The following MTA3 variants were observed in gnomAD, a reference collection of about 807,000 sequenced individuals.
MTA3 encodes the protein metastasis associated 1 family member 3.
In MTA3, 34 loss-of-function variants were observed where a neutral mutation model predicts 83.5. The ratio of observed to expected loss-of-function variants is 0.41; its 90% CI spans 0.31 to 0.54. The LOEUF (loss-of-function observed/expected upper bound fraction) is 0.54, where lower values mean the gene tolerates loss of function less well. MTA3 is among the 20% of genes least tolerant of loss of function. The probability of loss-of-function intolerance (pLI) is 0.33; values close to 1 mark genes in which losing one functional copy is unlikely to be tolerated. For missense variants in MTA3, 761 were observed against 726.4 expected (o/e 1.05, Z -0.55); for synonymous variants, 303 against 252.7 (o/e 1.20, Z -1.89).
intron 3 of MTA3, 39 bp downstream of exon 3, chr2:42,579,239 C>G: frequency 6.9e-7 from 1 of 1,456,334 alleles, no homozygotes; most frequent in East Asian, 2.4e-5. Flanking sequence ...CGTTTTAAGT[C>G]TTGTGTTTTT....
At chr2:42,702,215 A>C (rs1460977328) in intron 11 of MTA3, 1 of 152,318 alleles carries the variant, frequency 6.6e-6, no homozygotes, top group East Asian at 1.9e-4. Flanking sequence ...TTGTCTCAAA[A>C]AGTAAATAAA....
chr2:42,519,885 G>A (rs1372328118), intron 2 of MTA3, among the ~76,000 whole-genome samples: 1 of 151,978 alleles, frequency 6.6e-6, no homozygotes, highest in Middle Eastern at 3.2e-3. Context: ...CCTGTCTCAC[G>A]TAAACAATTT....
intron 2 of MTA3, among the ~76,000 whole-genome samples, chr2:42,513,130 G>C (rs1027769791): frequency 6.6e-6 from 1 of 152,210 alleles, no homozygotes; most frequent in Non-Finnish European, 1.5e-5. Flanking sequence ...CGAGAGGCTA[G>C]TGTTTCTGGT....
At chr2:42,626,540 C>T (rs754330916) in intron 4 of MTA3, among the ~76,000 whole-genome samples, 3 of 151,378 alleles carry the variant, frequency 2.0e-5, no homozygotes, top group Non-Finnish European at 4.4e-5. Flanking sequence ...TCGTGATCCG[C>T]CTGCCTCGGC....
chr2:42,535,123 A>G (rs1349965094), intron 2 of MTA3, among the ~76,000 whole-genome samples: 3 of 151,354 alleles, frequency 2.0e-5, no homozygotes, highest in Non-Finnish European at 4.4e-5. Flanking sequence ...GCGGTGGCTC[A>G]CGCCTGTAAT....
chr2:42,557,100 A>G (rs1257593102), intron 2 of MTA3, among the ~76,000 whole-genome samples: 2 of 152,058 alleles, frequency 1.3e-5, no homozygotes, highest in Non-Finnish European at 2.9e-5. Context: ...AGAAAAGACC[A>G]GGTGAGGTGG....
intron 2 of MTA3, among the ~76,000 whole-genome samples, chr2:42,548,816 T>TATATATATATAATATATATATATATA: frequency 2.8e-5 from 1 of 35,176 alleles, no homozygotes; most frequent in Non-Finnish European, 4.8e-5. Flanking sequence ...AAAAAATATA[T>TATATATATATAATATATATATATATA]ATATATATAT....
rs1693520356 is a variant in MTA3, at chr2:42,697,790, A to G, written c.981A>G (p.Ala327=). ...TTTTGAATTAGAAACGTCTAAAAGC[A>G]GCAGAAGCTGAGAGTAAACTGAAAC... ...DRYVQQKRLK[A]AEAESKLKQV... is the part of the protein sequence containing the mutation. Residue 327 remains alanine (A), a synonymous_variant, in exon 11 of 17, where the codon GCA becomes GCG. Coordinates refer to ENST00000405094, the MANE Select transcript of MTA3 (RefSeq NM_001330442.2). The G allele has an allele frequency of 6.5e-7, 1 of 1,545,018 alleles. No individual in the cohort carries two copies. The highest frequency in any genetic ancestry group is 1.4e-5 in the African/African-American group (1 of 73,130).
chr2:42,549,387 T>C (rs1171130960), intron 2 of MTA3, among the ~76,000 whole-genome samples: 2 of 119,782 alleles, frequency 1.7e-5, no homozygotes, highest in Non-Finnish European at 3.2e-5. Context: ...AAAATATATG[T>C]ATATATTATA....
chr2:42,509,285 C>T (rs1005865376), intron 2 of MTA3, among the ~76,000 whole-genome samples: 1 of 152,060 alleles, frequency 6.6e-6, no homozygotes, highest in Admixed American at 6.6e-5. Flanking sequence ...TCAAGTGATC[C>T]GCTTGCCTCG....
intron 2 of MTA3, among the ~76,000 whole-genome samples, chr2:42,548,407 A>T (rs945515890): frequency 6.6e-6 from 1 of 152,086 alleles, no homozygotes; most frequent in Non-Finnish European, 1.5e-5. Flanking sequence ...CAGAGGTTGC[A>T]GTGAGCCGAA....
chr2:42,697,636 T>C (rs932619443), intron 10 of MTA3, 140 bp from the exon 11 acceptor site: 1 of 594,268 alleles, frequency 1.7e-6, no homozygotes, highest in Non-Finnish European at 3.0e-6. Context: ...AGTTTAAGAA[T>C]ATGCATATGA....
At position 42,534,326 on chromosome 2, in the gene MTA3, G is replaced by A. The variant is rs568782094; in HGVS notation, c.-140-36111G>A. On this transcript the variant is annotated intron_variant, in intron 2 of 17. Coordinates refer to the MTA3 transcript ENST00000405592. ...ATTGTATAAAATGAGGCTGGGTGCC[G>A]TGGCTCAAGCCTATAATCCCAGCAC... 3.9e-5 allele frequency among the ~76,000 whole-genome samples: 6 copies of A among 152,292 alleles called. No homozygotes were observed. The East Asian group carries it at 5.8e-4, about 15-fold the overall frequency.
At chr2:42,701,773 G>T (rs560589005) in intron 11 of MTA3, among the ~76,000 whole-genome samples, 1 of 144,164 alleles carries the variant, frequency 6.9e-6, no homozygotes, top group South Asian at 2.2e-4. Context: ...AAAATTAGCT[G>T]GGTATGGTGG....
At chr2:42,710,652 T>C (rs909339914) in intron 14 of MTA3, among the ~76,000 whole-genome samples, 7 of 152,056 alleles carry the variant, frequency 4.6e-5, no homozygotes, top group African/African-American at 7.2e-5. Flanking sequence ...AGTTTAGGCT[T>C]ATATTTAGGT....
At chr2:42,577,105 A>AAAAAAAAAAT (rs1211189566) in intron 2 of MTA3, among the ~76,000 whole-genome samples, 19 of 86,948 alleles carry the variant, frequency 2.2e-4, no homozygotes, top group Non-Finnish European at 3.2e-4. Flanking sequence ...AAAAAAAAAA[A>AAAAAAAAAAT]ATATATATAT....
chr2:42,679,574 T>C (rs1475039385), intron 8 of MTA3, among the ~76,000 whole-genome samples: 4 of 152,210 alleles, frequency 2.6e-5, no homozygotes, highest in East Asian at 1.9e-4. Context: ...GAAGAGTTAT[T>C]TGTTCCACAT....
At chr2:42,641,826 A>T (rs149546350) in intron 5 of MTA3, among the ~76,000 whole-genome samples, 1,535 of 152,154 alleles carry the variant, frequency 0.01, 8 homozygotes, top group Middle Eastern at 0.027. Flanking sequence ...AGATCGCGCT[A>T]CTATACCTCT....
At chr2:42,632,968 A>T (rs919297622) in intron 4 of MTA3, among the ~76,000 whole-genome samples, 31 of 142,722 alleles carry the variant, frequency 2.2e-4, no homozygotes, top group Non-Finnish European at 3.0e-4. Flanking sequence ...CTCCTTTTTA[A>T]AAAAAAAAAA....
Sources: allele counts gnomAD v4.1 joint callset (sites outside exome capture counted in the v4.1 genomes callset), GRCh38; gene constraint gnomAD v4.1.1; transcripts MANE v1.5; gene names NCBI Gene and HGNC (gene_info 2026-07-23, HGNC 2026-07-21).